Variants in RHOBTB3 observed in about 807,000 individuals in gnomAD.
The protein encoded by RHOBTB3 is rho-related BTB domain-containing protein 3.
RHOBTB3 carries 47 observed loss-of-function variants against 67.2 expected under a neutral mutation model. The observed-to-expected ratio is 0.70, with a 90% CI of 0.55 to 0.89. The LOEUF is 0.89. RHOBTB3 is among the 40% of genes least tolerant of loss of function. The pLI is 0.00. For missense variants in RHOBTB3, 631 were observed against 750.0 expected, an observed-to-expected ratio of 0.84 and a Z score of 1.85; for synonymous variants, 273 against 274.2, an observed-to-expected ratio of 1.00 and a Z score of 0.04.
At chr5:95,761,029 TCAGA>T (rs1280132953) in intron 6 of RHOBTB3, among the ~76,000 whole-genome samples, 5 of 152,204 alleles carry the variant, frequency 3.3e-5, no homozygotes, top group Non-Finnish European at 7.3e-5. Flanking sequence ...GTGTGTGTTC[TCAGA>T]CAGTTCAGTG....
At chr5:95,777,175 G>A (rs1339542949) in intron 8 of RHOBTB3, among the ~76,000 whole-genome samples, 1 of 152,176 alleles carries the variant, frequency 6.6e-6, no homozygotes, top group Admixed American at 6.5e-5. Context: ...CACATGAAGA[G>A]TTCTTTAGAA....
At chr5:95,782,453 T>C (rs9314154) in intron 9 of RHOBTB3, 103,896 of 152,018 alleles carry the variant, frequency 0.68, 36,137 homozygotes, top group African/African-American at 0.81. Context: ...CTGGAGATGG[T>C]GGTGGTGATG....
chr5:95,770,477 T>C, intron 8 of RHOBTB3: 4 of 307,194 alleles, frequency 1.3e-5, no homozygotes, highest in Non-Finnish European at 2.7e-5. Context: ...CTTTGGTAGT[T>C]ACAACAATTG....
intron 5 of RHOBTB3, 52 bp from the exon 6 acceptor site, chr5:95,755,344 G>T: frequency 1.6e-6 from 2 of 1,287,932 alleles, no homozygotes; most frequent in South Asian, 2.2e-5. Flanking sequence ...GAAATTGTTG[G>T]GTCTGTAAAC....
At chr5:95,784,468 C>T (rs1187167241) in intron 10 of RHOBTB3, among the ~76,000 whole-genome samples, 1 of 152,184 alleles carries the variant, frequency 6.6e-6, no homozygotes, top group East Asian at 1.9e-4. Context: ...TTTATCCTTG[C>T]AGAATGCCTT....
upstream of RHOBTB3, among the ~76,000 whole-genome samples, chr5:95,728,100 C>CT (rs1485385709): frequency 3.3e-5 from 5 of 152,338 alleles, no homozygotes; most frequent in East Asian, 9.6e-4. Context: ...GTGGCCCTAC[C>CT]TATATGCACA....
At chr5:95,740,569 T>C (rs1051773924) in intron 3 of RHOBTB3, among the ~76,000 whole-genome samples, 1 of 152,210 alleles carries the variant, frequency 6.6e-6, no homozygotes, top group Non-Finnish European at 1.5e-5. Context: ...CATGTGAAGA[T>C]ATATTGCTCA....
upstream of RHOBTB3, chr5:95,731,026 C>A (rs1755212894): frequency 2.2e-6 from 2 of 905,700 alleles, no homozygotes; most frequent in Non-Finnish European, 3.0e-6. Context: ...ATCGCCCCAC[C>A]CCCCTTTCCT....
intron 4 of RHOBTB3, among the ~76,000 whole-genome samples, chr5:95,750,104 G>A (rs969239690): frequency 1.3e-5 from 2 of 152,178 alleles, no homozygotes; most frequent in Non-Finnish European, 2.9e-5. Flanking sequence ...AAGTACAACT[G>A]GGATCTTGAG....
intron 10 of RHOBTB3, among the ~76,000 whole-genome samples, chr5:95,786,437 T>C (rs985218137): frequency 1.3e-5 from 2 of 152,322 alleles, no homozygotes; most frequent in East Asian, 3.9e-4. Flanking sequence ...TCTCTGTCCA[T>C]TTTCCCCTAA....
intron 11 of RHOBTB3, among the ~76,000 whole-genome samples, chr5:95,792,690 G>T (rs1427282928): frequency 4.0e-5 from 6 of 151,406 alleles, no homozygotes; most frequent in African/African-American, 7.3e-5. Context: ...TACTCGGGAG[G>T]CTGAGGCAGG....
chr5:95,757,734 A>G (rs962649325), intron 6 of RHOBTB3, among the ~76,000 whole-genome samples: 3 of 152,202 alleles, frequency 2.0e-5, no homozygotes, highest in Non-Finnish European at 4.4e-5. Flanking sequence ...ATTGGCTTGG[A>G]AAAAGCATAA....
chr5:95,727,775 T>C (rs547440983), upstream of RHOBTB3, among the ~76,000 whole-genome samples: 1 of 152,316 alleles, frequency 6.6e-6, no homozygotes, highest in Non-Finnish European at 1.5e-5. Flanking sequence ...TATCAGGAAA[T>C]GGACCATCTG....
At chr5:95,788,086 G>A (rs532039514) in intron 10 of RHOBTB3, among the ~76,000 whole-genome samples, 1 of 152,260 alleles carries the variant, frequency 6.6e-6, no homozygotes, top group Admixed American at 6.5e-5. Context: ...CTGCCAGCAA[G>A]TTACTGTCAT....
intron 1 of RHOBTB3, among the ~76,000 whole-genome samples, chr5:95,720,302 G>A (rs527618761): frequency 1.3e-5 from 2 of 148,288 alleles, no homozygotes; most frequent in South Asian, 2.2e-4. Context: ...TAGCTCAGTT[G>A]TTTAGAATAG....
At position 95,771,902 on chromosome 5, in the gene RHOBTB3, A is replaced by G. The variant is rs1745725440; in HGVS notation, c.1282+3736A>G. Among the ~76,000 whole-genome samples, 3 of 152,230 alleles carry G rather than the reference A, an allele frequency of 2.0e-5. No individual in the cohort carries two copies. In the South Asian group the frequency reaches 6.2e-4, roughly 31 times the overall value. The stretch of plus-strand genomic sequence containing the variant: ...AACAGAAAAGACTACATCCATTGTT[A>G]AGAAGAAATATGATTGGTAAATTAA... On this transcript the variant is annotated intron_variant, in intron 8 of 11. Transcript: ENST00000379982.
In RHOBTB3 at chr5:95,755,589, C is replaced by T; in HGVS notation, c.876C>T (p.Asp292=). 6.2e-7 allele frequency: 1 copy of T among 1,614,102 alleles called. No homozygotes were observed. Among genetic ancestry groups the T allele is most frequent in the Non-Finnish European group, 8.5e-7 (1 of 1,179,988 alleles). The part of the protein sequence containing the change: ...MLLFNVKSPT[D]IQDSSIIRTT... Reference sequence around the variant, plus strand: ...TTTTCAATGTGAAGAGTCCCACTGACATTCAGGATTCCAGTATCATCCGAA... The same window carrying T: ...TTTTCAATGTGAAGAGTCCCACTGATATTCAGGATTCCAGTATCATCCGAA... Residue 292 remains aspartate, a synonymous_variant, in exon 6 of 12, where the codon GAC becomes GAT. Transcript: ENST00000379982.
intron 8 of RHOBTB3, among the ~76,000 whole-genome samples, chr5:95,772,029 G>A (rs1203482806): frequency 6.6e-6 from 1 of 152,178 alleles, no homozygotes; most frequent in East Asian, 1.9e-4. Flanking sequence ...TGATGCCGCT[G>A]GAGATGGCTG....
intron 5 of RHOBTB3, among the ~76,000 whole-genome samples, chr5:95,754,117 A>G (rs1382338832): frequency 1.3e-5 from 2 of 152,098 alleles, no homozygotes; most frequent in African/African-American, 4.8e-5. Context: ...AAAAGAAAAG[A>G]AAAATCTCTT....
Sources: allele counts gnomAD v4.1 joint callset (sites outside exome capture counted in the v4.1 genomes callset), GRCh38; gene constraint gnomAD v4.1.1; transcripts MANE v1.5; gene names NCBI Gene and HGNC (gene_info 2026-07-23, HGNC 2026-07-21).